ACTR3C: variants seen among roughly 807,000 people sequenced by gnomAD.
ACTR3C encodes the protein actin-related protein 3C.
A neutral mutation model predicts 26.3 loss-of-function variants in ACTR3C; 18 were observed. The ratio of observed to expected loss-of-function variants is 0.68; its 90% CI spans 0.47 to 1.01. The LOEUF is 1.01. Ranked by LOEUF, ACTR3C falls within the 50% of genes least tolerant of loss-of-function variation. The pLI is 0.00. For synonymous variants in ACTR3C, 55 were observed against 94.5 expected (o/e 0.58, Z 2.42); for missense variants, 184 against 250.7 (o/e 0.73, Z 1.80).
chr7:150,093,176 G>C, the ACTR3C span, among the ~76,000 whole-genome samples: 1 of 151,134 alleles, frequency 6.6e-6, no homozygotes, highest in South Asian at 2.1e-4. Context: ...GAAGCAATTA[G>C]AGGTGATTTT....
chr7:150,157,500 C>T, the ACTR3C span, among the ~76,000 whole-genome samples: 1 of 151,680 alleles, frequency 6.6e-6, no homozygotes, highest in African/African-American at 2.4e-5. Context: ...CTTCGTGGAG[C>T]TCATACATAC....
chr7:150,157,667 T>C, the ACTR3C span, among the ~76,000 whole-genome samples: 13 of 151,900 alleles, frequency 8.6e-5, no homozygotes, highest in Non-Finnish European at 1.6e-4. Flanking sequence ...GGGCTGCAAG[T>C]TCCTCCAACT....
At chr7:149,985,223 C>T in the ACTR3C span, among the ~76,000 whole-genome samples, 1 of 140,630 alleles carries the variant, frequency 7.1e-6, no homozygotes, top group Non-Finnish European at 1.6e-5. Context: ...CACACACACA[C>T]ACACACACAC....
chr7:150,235,353 T>A, the ACTR3C span, among the ~76,000 whole-genome samples: 2 of 152,200 alleles, frequency 1.3e-5, no homozygotes, highest in African/African-American at 4.8e-5. Flanking sequence ...TTTTCCTCCA[T>A]CGCTGCCCAT....
intron 1 of ACTR3C, among the ~76,000 whole-genome samples, chr7:150,318,121 G>C (rs928342505): frequency 1.3e-5 from 2 of 152,312 alleles, no homozygotes; most frequent in East Asian, 1.9e-4. Flanking sequence ...GAGAAGAATA[G>C]AGTGAGGCTA....
At chr7:150,179,540 C>T in the ACTR3C span, among the ~76,000 whole-genome samples, 1 of 149,040 alleles carries the variant, frequency 6.7e-6, no homozygotes, top group Non-Finnish European at 1.5e-5. Flanking sequence ...AGGTTCTCAC[C>T]GAGACTGAAG....
chr7:149,941,375 T>A, the ACTR3C span, among the ~76,000 whole-genome samples: 1 of 152,176 alleles, frequency 6.6e-6, no homozygotes, highest in Admixed American at 6.5e-5. Flanking sequence ...ATGGCTTCTA[T>A]CTCTGGACAC....
At chr7:149,897,631 C>G in the ACTR3C span, among the ~76,000 whole-genome samples, 1 of 152,106 alleles carries the variant, frequency 6.6e-6, no homozygotes, top group Non-Finnish European at 1.5e-5. Context: ...TGTGGGAGGC[C>G]AAGGTGGGCA....
chr7:149,929,773 C>T, the ACTR3C span, among the ~76,000 whole-genome samples: 303 of 152,162 alleles, frequency 2.0e-3, 3 homozygotes, highest in Non-Finnish European at 1.6e-3. Context: ...TCAGGTGATC[C>T]GCCCGCCTCA....
the ACTR3C span, among the ~76,000 whole-genome samples, chr7:150,208,474 C>G: frequency 1.3e-5 from 2 of 152,236 alleles, no homozygotes; most frequent in Middle Eastern, 3.4e-3. Context: ...AAGCCACTCT[C>G]AAACAATCTC....
the ACTR3C span, among the ~76,000 whole-genome samples, chr7:150,204,604 C>T: frequency 3.2e-3 from 494 of 152,336 alleles, 1 homozygote; most frequent in African/African-American, 0.011. Flanking sequence ...CCATAACCAC[C>T]ATGTGATGCT....
chr7:150,100,943 G>A, the ACTR3C span, among the ~76,000 whole-genome samples: 10 of 151,516 alleles, frequency 6.6e-5, 1 homozygote, highest in South Asian at 6.2e-4. Context: ...GAGCTCAGGC[G>A]ATCCACTTGC....
At chr7:149,900,174 T>C in the ACTR3C span, among the ~76,000 whole-genome samples, 37 of 151,766 alleles carry the variant, frequency 2.4e-4, 1 homozygote, top group South Asian at 7.5e-3. Context: ...TTTTTGTTTT[T>C]GTTTTTTTGG....
the ACTR3C span, among the ~76,000 whole-genome samples, chr7:149,910,465 G>C: frequency 1.1e-3 from 166 of 152,138 alleles, 3 homozygotes; most frequent in Non-Finnish European, 1.5e-4. Context: ...ATATAAAAGG[G>C]GGGGTGGTGG....
At chr7:150,164,080 C>T in the ACTR3C span, among the ~76,000 whole-genome samples, 1 of 152,056 alleles carries the variant, frequency 6.6e-6, no homozygotes, top group African/African-American at 2.4e-5. Context: ...GGGACGCCCA[C>T]GTGTCTTGAC....
the ACTR3C span, among the ~76,000 whole-genome samples, chr7:150,230,950 T>C: frequency 6.6e-6 from 1 of 152,344 alleles, no homozygotes; most frequent in South Asian, 2.1e-4. Context: ...ATTTCATTTC[T>C]TTGATATTCT....
chr7:149,906,194 T>C, the ACTR3C span, among the ~76,000 whole-genome samples: 1 of 152,220 alleles, frequency 6.6e-6, no homozygotes. Flanking sequence ...CACAAAACGA[T>C]GTATCTTTGT....
chr7:150,038,488 T>A, the ACTR3C span, among the ~76,000 whole-genome samples: 1 of 143,766 alleles, frequency 7.0e-6, no homozygotes, highest in Non-Finnish European at 1.5e-5. Flanking sequence ...TGTGACCTCA[T>A]ACAAAGGCTT....
At chr7:149,998,855 A>G in the ACTR3C span, among the ~76,000 whole-genome samples, 3 of 150,500 alleles carry the variant, frequency 2.0e-5, 1 homozygote, top group African/African-American at 7.3e-5. Flanking sequence ...ATAAGACTAG[A>G]TCACAGGAAG....
Sources: allele counts gnomAD v4.1 joint callset (sites outside exome capture counted in the v4.1 genomes callset), GRCh38; gene constraint gnomAD v4.1.1; transcripts MANE v1.5; gene names NCBI Gene and HGNC (gene_info 2026-07-23, HGNC 2026-07-21).